Variants in CFAP92 observed in about 807,000 individuals in gnomAD.
CFAP92 encodes cilia and flagella associated protein 92 (putative), also known as uncharacterized protein CFAP92.
A neutral mutation model predicts 106.3 loss-of-function variants in CFAP92; 86 were observed. The observed-to-expected ratio is 0.81, with a 90% CI of 0.68 to 0.97. The LOEUF (loss-of-function observed/expected upper bound fraction) is 0.97, where lower values mean the gene tolerates loss of function less well. CFAP92 is among the 50% of genes least tolerant of loss of function. The probability of loss-of-function intolerance (pLI) is 0.00; values close to 1 mark genes in which losing one functional copy is unlikely to be tolerated. For synonymous variants in CFAP92, 477 were observed against 506.4 expected, an observed-to-expected ratio of 0.94 and a Z score of 0.78; for missense variants, 1,204 against 1,283.8, an observed-to-expected ratio of 0.94 and a Z score of 0.95.
chr3:128,962,826 G>C (rs1357036632), intron 9 of CFAP92, among the ~76,000 whole-genome samples: 1 of 152,200 alleles, frequency 6.6e-6, no homozygotes, highest in Non-Finnish European at 1.5e-5. Flanking sequence ...AGGCTTACAA[G>C]TTAGTTCAGA....
Position 128,976,961 on chromosome 3 carries a change from A to G in CFAP92, c.896+18T>C, listed in dbSNP as rs1323840398. 3 of 1,606,946 alleles carry G rather than the reference A, an allele frequency of 1.9e-6. No individual in the cohort carries two copies. In the Admixed American group the frequency reaches 5.0e-5, roughly 27 times the overall value. On this transcript the variant is annotated intron_variant, in intron 6 of 15. Coordinates refer to ENST00000645291, the MANE Select transcript of CFAP92 (RefSeq NM_001394090.1). ...AGGGGCTCCACTCCCACCACCCAAA[A>G]TATCGTTCAATCCTTACTGAATCGT... is the stretch of plus-strand genomic sequence containing the variant.
At chr3:128,993,013 A>G (rs971428428) in intron 2 of CFAP92, 30 bp downstream of exon 2, 1 of 1,609,036 alleles carries the variant, frequency 6.2e-7, no homozygotes, top group Non-Finnish European at 8.5e-7. Context: ...CTTTTTTCAG[A>G]GGGTGTTAAA....
intron 7 of CFAP92, among the ~76,000 whole-genome samples, chr3:128,972,809 C>T (rs1259365810): frequency 2.0e-5 from 3 of 150,984 alleles, no homozygotes; most frequent in Non-Finnish European, 2.9e-5. Context: ...GAGCCCAGAT[C>T]GCGCCATTGT....
At chr3:128,938,005 A>G (rs1247810785) in intron 10 of CFAP92, among the ~76,000 whole-genome samples, 1 of 151,364 alleles carries the variant, frequency 6.6e-6, no homozygotes, top group Non-Finnish European at 1.5e-5. Context: ...CAGAGGTTGC[A>G]GTGAGCCGAG....
the CFAP92 span, among the ~76,000 whole-genome samples, chr3:129,024,595 G>C: frequency 6.6e-6 from 1 of 152,114 alleles, no homozygotes; most frequent in Non-Finnish European, 1.5e-5. Flanking sequence ...TGGAGGCTGG[G>C]AAGTAAAGGG....
chr3:128,932,961 C>G lies in CFAP92; in HGVS notation c.2490G>C (p.Trp830Cys). ...HDICYNSTTL[W>C]DVTVRDLLPS... ...GCAGCAGGTCCCTCACCGTCACGTC[C>G]CAGAGGGTGGTGCTGTTATAGCAGA... Residue 830 changes from tryptophan (W) to cysteine (C), a missense_variant, in exon 12 of 16, where the codon TGG becomes TGC. Coordinates refer to ENST00000645291, the MANE Select transcript of CFAP92 (RefSeq NM_001394090.1). The G allele has an allele frequency of 6.5e-7, 1 of 1,536,134 alleles. No individual in the cohort carries two copies. The highest frequency in any genetic ancestry group is 8.7e-7 in the Non-Finnish European group (1 of 1,146,914).
At chr3:129,018,248 G>A in the CFAP92 span, among the ~76,000 whole-genome samples, 1 of 152,212 alleles carries the variant, frequency 6.6e-6, no homozygotes, top group Non-Finnish European at 1.5e-5. Context: ...TGTCTCCATA[G>A]GGAGCAGAAG....
At position 128,912,834 on chromosome 3, in the gene CFAP92, G is replaced by C. The variant is rs776844592; in HGVS notation, c.3280+2285C>G. On this transcript the variant is annotated intron_variant, in intron 15 of 15. Coordinates refer to ENST00000645291, the MANE Select transcript of CFAP92 (RefSeq NM_001394090.1). ...CACAGCTTCTGAACTGAGCCGGAGA[G>C]AGAGAATGGAATTGCTGACCCCTGG... The C allele has an allele frequency of 5.8e-6, 4 of 690,990 alleles. No individual in the cohort carries two copies. The Middle Eastern group carries it at 1.0e-3, about 178-fold the overall frequency. 42.8% of individuals were successfully genotyped at this position (690,990 alleles called of 1,614,324 possible).
In CFAP92 at chr3:128,914,961, T is replaced by A. The variant is rs187637700; in HGVS notation, c.3280+158A>T. 1.7e-5 allele frequency: 12 copies of A among 700,340 alleles called. No individual in the cohort carries two copies. The Admixed American group carries it at 2.3e-4, about 14-fold the overall frequency. 43.4% of individuals were successfully genotyped at this position (700,340 alleles called of 1,614,324 possible). A position where few individuals can be genotyped will look rare whatever the true frequency, so the allele number is the denominator to read the frequency against. On this transcript the variant is annotated intron_variant, in intron 15 of 15. Coordinates refer to ENST00000645291, the MANE Select transcript of CFAP92 (RefSeq NM_001394090.1). ...CTGAGTTCCAGCCCAGCATTCAATC[T>A]CTTTTTTCAGACCCATTCTGCATCT...
intron 10 of CFAP92, among the ~76,000 whole-genome samples, chr3:128,938,054 ACT>A (rs1328495683): frequency 1.4e-5 from 2 of 140,118 alleles, no homozygotes; most frequent in East Asian, 2.1e-4. Flanking sequence ...ACAGCGTGAG[ACT>A]CTGTTTCAAA....
the CFAP92 span, among the ~76,000 whole-genome samples, chr3:129,022,062 C>T: frequency 3.7e-4 from 56 of 152,318 alleles, no homozygotes; most frequent in South Asian, 6.4e-3. Context: ...CCAGAACTCA[C>T]CGTGTGCTGG....
At chr3:128,938,650 C>T (rs181965404) in intron 10 of CFAP92, among the ~76,000 whole-genome samples, 5 of 151,836 alleles carry the variant, frequency 3.3e-5, no homozygotes, top group Admixed American at 6.6e-5. Flanking sequence ...CCCACCACCA[C>T]GCCCGGCTAA....
upstream of CFAP92, among the ~76,000 whole-genome samples, chr3:129,005,649 GA>G: frequency 6.6e-6 from 1 of 152,350 alleles, no homozygotes; most frequent in East Asian, 1.9e-4. Flanking sequence ...CTGATCCTGA[GA>G]GGAAGGTGGT....
chr3:128,994,274 A>C, upstream of CFAP92: 1 of 376,222 alleles, frequency 2.7e-6, no homozygotes, highest in Non-Finnish European at 3.7e-6. Context: ...TCCTTCACTC[A>C]TGCATTCACT....
At chr3:128,962,187 C>G (rs569880687) in intron 9 of CFAP92, among the ~76,000 whole-genome samples, 51 of 152,298 alleles carry the variant, frequency 3.3e-4, no homozygotes, top group African/African-American at 1.1e-3. Context: ...GCTGCCCGAT[C>G]GCCTCGGAAG....
intron 9 of CFAP92, among the ~76,000 whole-genome samples, chr3:128,949,776 TC>T (rs1443059542): frequency 2.6e-5 from 4 of 152,244 alleles, no homozygotes; most frequent in Non-Finnish European, 4.4e-5. Flanking sequence ...AACCTCTGCC[TC>T]CCAGGCTCAA....
At chr3:128,931,105 A>T (rs990838697) in intron 12 of CFAP92, among the ~76,000 whole-genome samples, 1 of 152,112 alleles carries the variant, frequency 6.6e-6, no homozygotes, top group Non-Finnish European at 1.5e-5. Flanking sequence ...GGGTTTTGCC[A>T]TGTTGGCCAG....
At chr3:128,921,357 G>A (rs1354108220) in intron 12 of CFAP92, among the ~76,000 whole-genome samples, 1 of 152,230 alleles carries the variant, frequency 6.6e-6, no homozygotes, top group Non-Finnish European at 1.5e-5. Flanking sequence ...CAAAGTGAAA[G>A]CAAACATTCT....
intron 9 of CFAP92, among the ~76,000 whole-genome samples, chr3:128,961,439 C>T (rs867919546): frequency 3.9e-5 from 6 of 152,116 alleles, no homozygotes; most frequent in African/African-American, 9.7e-5. Context: ...CCTCAGCCTC[C>T]GCTCCTCCAC....
Sources: gnomAD v4.1 joint callset for allele counts (sites outside exome capture counted in the v4.1 genomes callset) on GRCh38, gnomAD v4.1.1 for gene constraint, MANE v1.5 for transcripts, NCBI Gene and HGNC (gene_info 2026-07-23, HGNC 2026-07-21) for gene names.